RGS10: variants seen among roughly 807,000 people sequenced by gnomAD.
RGS10 encodes regulator of G protein signaling 10.
RGS10 carries 11 observed loss-of-function variants against 23.5 expected under a neutral mutation model. That is an observed-to-expected ratio of 0.47 (90% CI 0.29 to 0.77). The LOEUF (loss-of-function observed/expected upper bound fraction) is 0.77. Among genes scored for constraint, RGS10 ranks in the 30% least tolerant of loss-of-function variants. The pLI is 0.08. For synonymous variants in RGS10, 77 were observed against 83.2 expected (o/e 0.92, Z 0.41); for missense variants, 180 against 226.3 (o/e 0.80, Z 1.31).
chr10:119,515,597 G>A lies in RGS10; in HGVS notation c.311C>T (p.Ser104Leu), dbSNP rs1221793457. ...AGACTGCCCCTCCACGTTGACCTGT[G>A]ATGAGGCCTTGCTGGACAGAAAGGT... is the stretch of plus-strand genomic sequence containing the variant. ...YMTFLSSKAS[S>L]QVNVEGQSRL... The change falls in exon 4 of 5, where the codon TCA (serine) becomes TTA (leucine). Residue 104 changes from serine to leucine, a missense_variant. By Grantham distance (145) the Ser-to-Leu change is moderately radical. Coordinates refer to ENST00000369103, the MANE Select transcript of RGS10 (RefSeq NM_001005339.2). The A allele has an allele frequency of 4.3e-6, 7 of 1,614,186 alleles. No individual in the cohort carries two copies. The South Asian group carries it at 6.6e-5, about 15-fold the overall frequency.
At chr10:119,514,775 C>T (rs1430134684) in intron 4 of RGS10, among the ~76,000 whole-genome samples, 1 of 152,146 alleles carries the variant, frequency 6.6e-6, no homozygotes, top group Non-Finnish European at 1.5e-5. Flanking sequence ...ACCCTGGCTG[C>T]ACTTTCAAGT....
chr10:119,527,713 C>A lies in RGS10; in HGVS notation c.50-289G>T, dbSNP rs1844291905. 1.3e-5 allele frequency among the ~76,000 whole-genome samples: 2 copies of A among 152,162 alleles called. No individual in the cohort carries two copies. The highest frequency in any genetic ancestry group is 4.8e-5 in the African/African-American group (2 of 41,426). ...CTTCCCCTACTCTTGTGTCCACTGG[C>A]CAATTCAGAGGCAGCCCTCAAGTCA... On this transcript the variant is annotated intron_variant, in intron 1 of 4. Transcript: ENST00000369103. This position sits in a 1 kb window ranked among gnomAD's most constrained non-coding sequence, Gnocchi z 4.2.
intron 4 of RGS10, among the ~76,000 whole-genome samples, chr10:119,504,650 T>C (rs1369958343): frequency 6.6e-6 from 1 of 152,160 alleles, no homozygotes; most frequent in East Asian, 1.9e-4. Context: ...TCATACTGCA[T>C]TTAGGGTAGG....
At chr10:119,508,493 G>C (rs1225296681) in intron 4 of RGS10, among the ~76,000 whole-genome samples, 1 of 152,174 alleles carries the variant, frequency 6.6e-6, no homozygotes, top group Non-Finnish European at 1.5e-5. Context: ...GCTGTATATA[G>C]AACTTAAACC....
At position 119,508,611 on chromosome 10, in the gene RGS10, C is replaced by T. The variant is rs543371327; in HGVS notation, c.399+6898G>A. Among the ~76,000 whole-genome samples the T allele has an allele frequency of 9.2e-5, 14 of 152,318 alleles. No homozygotes were observed. In the South Asian group the frequency reaches 2.5e-3, roughly 27 times the overall value. On this transcript the variant is annotated intron_variant, in intron 4 of 4. Coordinates refer to ENST00000369103, the MANE Select transcript of RGS10 (RefSeq NM_001005339.2). Reference sequence around the variant, plus strand: ...GAACAACTTTAAGTCACTGAGCAGACTTCAATGTGTTCCATTCTTCAATGT... The same window carrying T: ...GAACAACTTTAAGTCACTGAGCAGATTTCAATGTGTTCCATTCTTCAATGT...
chr10:119,532,274 A>T (rs1175114905), intron 1 of RGS10, among the ~76,000 whole-genome samples: 1 of 152,160 alleles, frequency 6.6e-6, no homozygotes, highest in East Asian at 1.9e-4. Context: ...CCACTCACCC[A>T]GTGGCATCTC....
At position 119,500,099 on chromosome 10, in the gene RGS10, G is replaced by T. The variant is rs369268639; in HGVS notation, c.*14C>A. The stretch of plus-strand genomic sequence containing the variant: ...TTTGCTTCTTAAAGCTGCCAGTCCC[G>T]GCTTTTTGGGGGCTCATGTGTTATA... On this transcript the variant is annotated 3_prime_UTR_variant, in exon 5 of 5. Transcript: ENST00000369103. 22 of 1,609,752 alleles carry T rather than the reference G, an allele frequency of 1.4e-5. 1 individual carries two copies. The African/African-American group carries it at 2.4e-4, about 18-fold the overall frequency.
At chr10:119,541,594 T>C (rs920474169) in intron 1 of RGS10, among the ~76,000 whole-genome samples, 1 of 151,996 alleles carries the variant, frequency 6.6e-6, no homozygotes, top group Non-Finnish European at 1.5e-5. Flanking sequence ...CCTCATAAAA[T>C]ACCAGGAGCA....
chr10:119,521,600 G>GGAAA (rs1332894537), intron 3 of RGS10, among the ~76,000 whole-genome samples: 3 of 111,502 alleles, frequency 2.7e-5, no homozygotes, highest in Non-Finnish European at 5.5e-5. Context: ...AAGGAAGGAA[G>GGAAA]GAAAGAAAGA....
chr10:119,536,618 G>A (rs1844391864), intron 1 of RGS10: 3 of 916,040 alleles, frequency 3.3e-6, no homozygotes, highest in Non-Finnish European at 4.9e-6. Context: ...TCTTTTAAGT[G>A]GACTAAACAA....
intron 4 of RGS10, among the ~76,000 whole-genome samples, chr10:119,511,294 C>T (rs1178518684): frequency 6.6e-6 from 1 of 152,108 alleles, no homozygotes; most frequent in Non-Finnish European, 1.5e-5. Context: ...TCCCAGGTAG[C>T]AAAGCTTTAA....
At chr10:119,501,989 G>C (rs941826386) in intron 4 of RGS10, among the ~76,000 whole-genome samples, 80 of 152,190 alleles carry the variant, frequency 5.3e-4, no homozygotes, top group African/African-American at 1.9e-3. Flanking sequence ...ATCCCCTGGT[G>C]CCCTTCTAGT....
chr10:119,525,244 C>G (rs1844260855), intron 3 of RGS10, among the ~76,000 whole-genome samples: 1 of 152,146 alleles, frequency 6.6e-6, no homozygotes, highest in Admixed American at 6.5e-5. Context: ...CATCAGTAAG[C>G]TGGCGGAGAC....
At chr10:119,540,869 T>C (rs1199716329) in intron 1 of RGS10, among the ~76,000 whole-genome samples, 3 of 152,224 alleles carry the variant, frequency 2.0e-5, no homozygotes, top group Non-Finnish European at 2.9e-5. Context: ...AGGGGCTTCA[T>C]ATGGTTTTGA....
chr10:119,536,446 G>T, intron 1 of RGS10: 1 of 1,612,290 alleles, frequency 6.2e-7, no homozygotes, highest in South Asian at 1.1e-5. Flanking sequence ...ATGGAAAGGG[G>T]TGGGGGCGAT....
rs1460253397 is a variant in RGS10, at chr10:119,538,875, C to T, written c.49+3715G>A. Among the ~76,000 whole-genome samples, 1 of 152,158 alleles carries T rather than the reference C, an allele frequency of 6.6e-6. No individual in the cohort carries two copies. Among genetic ancestry groups the T allele is most frequent in the African/African-American group, 2.4e-5 (1 of 41,438 alleles). ...GGGCATAAATTTAGTGCAGTTTAAG[C>T]AACAGGTTCCCAGAGCCCAGCATCT... On this transcript the variant is annotated intron_variant, in intron 1 of 4. Coordinates refer to ENST00000369103, the MANE Select transcript of RGS10 (RefSeq NM_001005339.2). The surrounding 1 kb of genome is among the most constrained non-coding windows in gnomAD (Gnocchi z 4.5).
chr10:119,500,313 A>G, intron 4 of RGS10, 54 bp from the exon 5 acceptor site: 2 of 1,519,896 alleles, frequency 1.3e-6, no homozygotes, highest in Non-Finnish European at 1.8e-6. Context: ...CAGGCCATAA[A>G]TCATCCCATC....
chr10:119,526,111 A>G lies in RGS10; in HGVS notation c.176T>C (p.Leu59Ser). 1 of 1,538,008 alleles carries G rather than the reference A, an allele frequency of 6.5e-7. No individual in the cohort carries two copies. Among genetic ancestry groups the G allele is most frequent in the Non-Finnish European group, 8.9e-7 (1 of 1,126,792 alleles). Residue 59 changes from leucine (L) to serine (S), a missense_variant, in exon 3 of 5, where the codon TTA becomes TCA. By Grantham distance (145) the Leu-to-Ser change is moderately radical (BLOSUM62 -2). Coordinates refer to ENST00000369103, the MANE Select transcript of RGS10 (RefSeq NM_001005339.2). ...PEGVKRFREFLKKEFSEENVL... is the reference protein window; with the variant it reads ...PEGVKRFREFSKKEFSEENVL... Reference sequence around the variant, plus strand: ...ATTTTCTTCACTGAATTCCTTTTTTAAAAATTCCTGTGGATACAAAGAAAA... The same window carrying G: ...ATTTTCTTCACTGAATTCCTTTTTTGAAAATTCCTGTGGATACAAAGAAAA...
chr10:119,518,514 A>G (rs1039483785), intron 3 of RGS10, among the ~76,000 whole-genome samples: 16 of 152,158 alleles, frequency 1.1e-4, no homozygotes, highest in Non-Finnish European at 2.1e-4. Flanking sequence ...AAGCAAATTC[A>G]CTTTCCTATC....
Sources: allele counts gnomAD v4.1 joint callset (sites outside exome capture counted in the v4.1 genomes callset), GRCh38; gene constraint gnomAD v4.1.1; non-coding constraint Gnocchi (gnomAD v3.1); transcripts MANE v1.5; gene names NCBI Gene and HGNC (gene_info 2026-07-23, HGNC 2026-07-21).